The following CNTN1 variants were observed in gnomAD, a reference collection of about 807,000 sequenced individuals.
CNTN1 encodes the protein contactin-1.
In CNTN1, 38 loss-of-function variants were observed where a neutral mutation model predicts 126.4. The ratio of observed to expected loss-of-function variants is 0.30; its 90% CI spans 0.23 to 0.39. CNTN1 has a LOEUF of 0.39. Ranked by LOEUF, CNTN1 falls within the 10% of genes least tolerant of loss-of-function variation. The probability of loss-of-function intolerance (pLI) is 1.00; values close to 1 mark genes in which losing one functional copy is unlikely to be tolerated. For synonymous variants in CNTN1, 413 were observed against 422.6 expected (o/e 0.98, Z 0.28); for missense variants, 1,009 against 1,248.4 (o/e 0.81, Z 2.89).
chr12:40,960,846 T>C (rs1178711085), intron 15 of CNTN1, among the ~76,000 whole-genome samples: 2 of 152,036 alleles, frequency 1.3e-5, no homozygotes, highest in Non-Finnish European at 2.9e-5. Flanking sequence ...GTAGCCAAAG[T>C]GTATATTTAA....
chr12:40,941,265 A>G (rs1225405140), intron 12 of CNTN1, among the ~76,000 whole-genome samples: 2 of 152,196 alleles, frequency 1.3e-5, no homozygotes, highest in South Asian at 2.1e-4. Context: ...CAGTGTAAAT[A>G]CTATTTAATA....
chr12:40,908,328 CCTTCTT>C (rs749092949), intron 1 of CNTN1, 23 bp from the exon 2 acceptor site: 1 of 796,998 alleles, frequency 1.3e-6, no homozygotes, highest in African/African-American at 1.7e-5. Context: ...CTAATTCTTT[CCTTCTT>C]CTTCTTTTCT....
chr12:40,905,514 T>C (rs1378562892), intron 1 of CNTN1, among the ~76,000 whole-genome samples: 1 of 152,200 alleles, frequency 6.6e-6, no homozygotes, highest in African/African-American at 2.4e-5. Flanking sequence ...GGGAAACATT[T>C]AGAATTCTCA....
intron 14 of CNTN1, 87 bp downstream of exon 14, chr12:40,944,257 T>C: frequency 3.1e-5 from 40 of 1,273,246 alleles, no homozygotes; most frequent in Non-Finnish European, 4.4e-5. Context: ...TCACATTTTA[T>C]ATCATCTTTG....
At chr12:40,831,161 G>A (rs1941826726) in intron 1 of CNTN1, among the ~76,000 whole-genome samples, 2 of 143,544 alleles carry the variant, frequency 1.4e-5, no homozygotes, top group African/African-American at 5.2e-5. Flanking sequence ...AATATATACT[G>A]TAAATGTATA....
At chr12:40,833,572 TAAA>T (rs34552699) in intron 1 of CNTN1, among the ~76,000 whole-genome samples, 68,310 of 151,432 alleles carry the variant, frequency 0.45, 15,577 homozygotes, top group East Asian at 0.7. Flanking sequence ...TCTTTTTTCT[TAAA>T]AAAAAAAATC....
intron 1 of CNTN1, among the ~76,000 whole-genome samples, chr12:40,747,508 T>C (rs1938234174): frequency 6.6e-6 from 1 of 152,086 alleles, no homozygotes; most frequent in African/African-American, 2.4e-5. Context: ...GTGGCTGGCC[T>C]GGTGCACAGT....
chr12:41,001,152 T>C (rs887935464), intron 17 of CNTN1, among the ~76,000 whole-genome samples: 6 of 152,202 alleles, frequency 3.9e-5, no homozygotes, highest in Non-Finnish European at 8.8e-5. Context: ...TACTCAGTAA[T>C]TGGATTGCTA....
intron 1 of CNTN1, among the ~76,000 whole-genome samples, chr12:40,872,208 T>TG (rs1943523302): frequency 1.9e-3 from 239 of 124,138 alleles, no homozygotes; most frequent in African/African-American, 6.7e-3. Flanking sequence ...TTCCGTTGCT[T>TG]TGTTTGTGTG....
intron 14 of CNTN1, among the ~76,000 whole-genome samples, chr12:40,958,377 GTGTA>G (rs370782392): frequency 1.2e-4 from 15 of 124,458 alleles, no homozygotes; most frequent in Middle Eastern, 4.5e-3. Context: ...GTGTGTGTGT[GTGTA>G]TGTATGTATG....
At chr12:41,019,199 A>G (rs1409166650) in intron 19 of CNTN1, among the ~76,000 whole-genome samples, 1 of 152,204 alleles carries the variant, frequency 6.6e-6, no homozygotes, top group African/African-American at 2.4e-5. Flanking sequence ...AACTTCACTC[A>G]GTTTTAATAA....
chr12:40,854,968 G>C (rs1942849541), intron 1 of CNTN1, among the ~76,000 whole-genome samples: 1 of 152,046 alleles, frequency 6.6e-6, no homozygotes, highest in African/African-American at 2.4e-5. Context: ...TGTGTCACTG[G>C]GGAGGTGATA....
At chr12:40,854,855 G>T (rs1027070857) in intron 1 of CNTN1, among the ~76,000 whole-genome samples, 2 of 152,106 alleles carry the variant, frequency 1.3e-5, no homozygotes, top group Non-Finnish European at 2.9e-5. Context: ...GAGTCAGGGA[G>T]TCAAGAAAGA....
intron 1 of CNTN1, among the ~76,000 whole-genome samples, chr12:40,906,528 A>G (rs1944822487): frequency 6.6e-6 from 1 of 152,126 alleles, no homozygotes; most frequent in Non-Finnish European, 1.5e-5. Context: ...AAAAATAAAT[A>G]GACTCCTATA....
At chr12:40,963,787 G>A (rs12578703) in intron 15 of CNTN1, among the ~76,000 whole-genome samples, 17,836 of 151,864 alleles carry the variant, frequency 0.12, 1,096 homozygotes, top group Non-Finnish European at 0.12. Context: ...GGGTTGCCTC[G>A]TCAAAGTAAG....
At chr12:40,703,790 G>A (rs967969010) in intron 1 of CNTN1, among the ~76,000 whole-genome samples, 29 of 26,458 alleles carry the variant, frequency 1.1e-3, no homozygotes, top group African/African-American at 3.3e-3. Context: ...TTATATTGTT[G>A]GTGAGAGGAG....
At chr12:40,837,218 C>T (rs1322493577) in intron 1 of CNTN1, among the ~76,000 whole-genome samples, 1 of 152,030 alleles carries the variant, frequency 6.6e-6, no homozygotes, top group Non-Finnish European at 1.5e-5. Flanking sequence ...ATTTTAAAAA[C>T]CAAAATAGTG....
At chr12:41,008,406 A>ATT (rs35698304) in intron 17 of CNTN1, among the ~76,000 whole-genome samples, 18 of 151,508 alleles carry the variant, frequency 1.2e-4, no homozygotes, top group African/African-American at 3.9e-4. Context: ...TAAAAGCAAC[A>ATT]TTTTTTTTTC....
chr12:40,846,833 A>G (rs573974273), intron 1 of CNTN1, among the ~76,000 whole-genome samples: 49 of 151,650 alleles, frequency 3.2e-4, no homozygotes, highest in Non-Finnish European at 5.7e-4. Context: ...CTGAGAGTAC[A>G]GAAACATGCT....
Sources: allele counts gnomAD v4.1 joint callset (sites outside exome capture counted in the v4.1 genomes callset), GRCh38; gene constraint gnomAD v4.1.1; transcripts MANE v1.5; gene names NCBI Gene and HGNC (gene_info 2026-07-23, HGNC 2026-07-21).